LTBP1: variants seen among roughly 807,000 people sequenced by gnomAD.
LTBP1 encodes latent transforming growth factor beta binding protein 1.
In LTBP1, 129 loss-of-function variants were observed where a neutral mutation model predicts 207.6. That is an observed-to-expected ratio of 0.62 (90% CI 0.54 to 0.72). The LOEUF (loss-of-function observed/expected upper bound fraction) is 0.72. LTBP1 is among the 30% of genes least tolerant of loss of function. The pLI, the probability that LTBP1 is intolerant of heterozygous loss-of-function variation, is 0.00. For missense variants in LTBP1, 2,281 were observed against 2,217.2 expected (o/e 1.03, Z -0.58); for synonymous variants, 963 against 833.7 (o/e 1.16, Z -2.67).
chr2:33,247,827 G>A (rs778165682), intron 10 of LTBP1, among the ~76,000 whole-genome samples: 3 of 152,340 alleles, frequency 2.0e-5, no homozygotes, highest in Middle Eastern at 3.4e-3. Flanking sequence ...ATTGAGTGGC[G>A]TAGTTTTGTA....
chr2:33,022,271 T>TTTC, intron 3 of LTBP1, among the ~76,000 whole-genome samples: 1 of 150,550 alleles, frequency 6.6e-6, no homozygotes, highest in East Asian at 1.9e-4. Context: ...TCCTCTTTTT[T>TTTC]TTTTTTTTTT....
intron 14 of LTBP1, 29 bp downstream of exon 14, chr2:33,262,850 C>T (rs756263973): frequency 1.3e-6 from 2 of 1,487,686 alleles, no homozygotes; most frequent in South Asian, 2.5e-5. Context: ...TGCTGTTTGT[C>T]AGAGTATTCT....
intron 10 of LTBP1, among the ~76,000 whole-genome samples, chr2:33,244,889 TA>T (rs2092457886): frequency 6.6e-6 from 1 of 152,164 alleles, no homozygotes; most frequent in African/African-American, 2.4e-5. Flanking sequence ...TCTATCTATT[TA>T]TTTTTGAGAC....
chr2:33,231,384 A>G (rs1183410570), intron 9 of LTBP1, among the ~76,000 whole-genome samples: 2 of 152,230 alleles, frequency 1.3e-5, no homozygotes, highest in Non-Finnish European at 2.9e-5. Context: ...CTCGGAGTGC[A>G]TCTGAAATCA....
intron 24 of LTBP1, among the ~76,000 whole-genome samples, chr2:33,341,306 G>C (rs1452142782): frequency 1.3e-5 from 2 of 152,174 alleles, no homozygotes; most frequent in Non-Finnish European, 2.9e-5. Context: ...AGGATGAGCA[G>C]GTGGGACCTT....
chr2:33,098,885 C>T (rs1271242496), intron 3 of LTBP1, among the ~76,000 whole-genome samples: 1 of 152,194 alleles, frequency 6.6e-6, no homozygotes, highest in Non-Finnish European at 1.5e-5. Context: ...GAGGCACTAC[C>T]TTCACCATGT....
intron 15 of LTBP1, among the ~76,000 whole-genome samples, chr2:33,267,911 T>C (rs1310105781): frequency 6.6e-6 from 1 of 152,202 alleles, no homozygotes; most frequent in Non-Finnish European, 1.5e-5. Flanking sequence ...AAACACAACT[T>C]GTTAGAGGCT....
intron 9 of LTBP1, among the ~76,000 whole-genome samples, chr2:33,236,045 A>G (rs965501836): frequency 1.3e-5 from 2 of 152,184 alleles, no homozygotes; most frequent in African/African-American, 4.8e-5. Context: ...AAGAACTTAA[A>G]TATAATTTTT....
At position 33,365,494 on chromosome 2, in the gene LTBP1, A is replaced by G; in HGVS notation, c.4702A>G (p.Lys1568Glu). ...WGMQCALCPL[K>E]DSDDYAQLCN... Reference sequence around the variant, plus strand: ...CATGCAGTGTGCCCTCTGCCCCCTGAAGGATTCAGGTGAGCCCATATCCAA... The same window carrying G: ...CATGCAGTGTGCCCTCTGCCCCCTGGAGGATTCAGGTGAGCCCATATCCAA... The change falls in exon 31 of 34, where the codon AAG (lysine) becomes GAG (glutamate). Residue 1568 changes from lysine (K) to glutamate (E), a missense_variant. Physicochemically the swap from Lys to Glu is moderately conservative, Grantham distance 56 (BLOSUM62 1). Around this residue, in one of 3 missense-constraint regions of LTBP1, gnomAD observed 1,671 missense variants for 1,634.8 expected, o/e 1.02. Coordinates refer to ENST00000404816, the MANE Select transcript of LTBP1 (RefSeq NM_206943.4). 1 of 1,613,796 alleles carries G rather than the reference A, an allele frequency of 6.2e-7. No homozygotes were observed. The highest frequency in any genetic ancestry group is 1.3e-5 in the African/African-American group (1 of 74,988).
At chr2:33,330,638 A>G (rs895308320) in intron 24 of LTBP1, among the ~76,000 whole-genome samples, 1 of 151,546 alleles carries the variant, frequency 6.6e-6, no homozygotes, top group African/African-American at 2.4e-5. Flanking sequence ...TATTCTGTTA[A>G]TGTGGTGAAT....
At chr2:33,295,482 G>A (rs950270786) in intron 20 of LTBP1, among the ~76,000 whole-genome samples, 4 of 151,962 alleles carry the variant, frequency 2.6e-5, no homozygotes, top group African/African-American at 4.8e-5. Flanking sequence ...AACTGAGATC[G>A]TGCCACTGCA....
rs999898146 is a variant in LTBP1, at chr2:32,947,425, C to A, written c.101C>A (p.Pro34Gln). The A allele has an allele frequency of 3.5e-5, 50 of 1,439,248 alleles. No homozygotes were observed. Among genetic ancestry groups the A allele is most frequent in the Non-Finnish European group, 4.6e-5 (50 of 1,098,498 alleles). The allele number at this position is 1,439,248 out of a possible 1,614,324, so 89.2% of individuals were successfully genotyped here. A position where few individuals can be genotyped will look rare whatever the true frequency, so the allele number is the denominator to read the frequency against. ...CGGAGGATCACCTACGTGGTGCACC[C>A]GGGCCCCGGCCTGGCAGCCGGCGCC... is the stretch of plus-strand genomic sequence containing the variant. Reference protein sequence around the residue: ...RLRRITYVVHPGPGLAAGALP... With the variant: ...RLRRITYVVHQGPGLAAGALP... Residue 34 changes from proline (P) to glutamine (Q), a missense_variant, in exon 1 of 34, where the codon CCG becomes CAG. By Grantham distance (76) the Pro-to-Gln change is moderately conservative. Transcript: ENST00000404816.
chr2:33,145,646 C>G (rs1356617073), intron 5 of LTBP1, among the ~76,000 whole-genome samples: 1 of 152,062 alleles, frequency 6.6e-6, no homozygotes, highest in Non-Finnish European at 1.5e-5. Context: ...ACATCTTGAG[C>G]CAGCTGTTTT....
At chr2:33,333,310 C>T (rs1410176591) in intron 24 of LTBP1, among the ~76,000 whole-genome samples, 1 of 150,974 alleles carries the variant, frequency 6.6e-6, no homozygotes, top group East Asian at 2.0e-4. Flanking sequence ...TGATTTAATT[C>T]AGTAATTTAT....
intron 4 of LTBP1, among the ~76,000 whole-genome samples, chr2:33,121,432 T>G (rs6719374): frequency 0.38 from 58,101 of 151,776 alleles, 11,264 homozygotes; most frequent in South Asian, 0.47. Flanking sequence ...CGGTGGTCGT[T>G]CCTGTGTTGA....
chr2:33,245,154 A>G (rs2092468285), intron 10 of LTBP1, among the ~76,000 whole-genome samples: 1 of 152,180 alleles, frequency 6.6e-6, no homozygotes, highest in African/African-American at 2.4e-5. Flanking sequence ...TGCTGGGATT[A>G]TAGGTGTGAG....
At position 33,048,155 on chromosome 2, in the gene LTBP1, A is replaced by G. The variant is rs571185228; in HGVS notation, c.863+26949A>G. On this transcript the variant is annotated intron_variant, in intron 3 of 33. Coordinates refer to ENST00000404816, the MANE Select transcript of LTBP1 (RefSeq NM_206943.4). Reference sequence around the variant, plus strand: ...TGATTCAGAGATCTGTTGTAAGGATAAGAATAAAACAGACATTCAGAAGCA... The same window carrying G: ...TGATTCAGAGATCTGTTGTAAGGATGAGAATAAAACAGACATTCAGAAGCA... Among the ~76,000 whole-genome samples, 4 of 152,348 alleles carry G rather than the reference A, an allele frequency of 2.6e-5. No homozygotes were observed. The South Asian group carries it at 8.3e-4, about 32-fold the overall frequency.
At chr2:33,301,764 C>A in intron 22 of LTBP1, 120 bp downstream of exon 22, 2 of 863,884 alleles carry the variant, frequency 2.3e-6, no homozygotes, top group South Asian at 2.8e-5. Flanking sequence ...ACATTAGGTC[C>A]CTGCAAAGTG....
chr2:33,046,754 G>T (rs1206808124), intron 3 of LTBP1, among the ~76,000 whole-genome samples: 1 of 151,964 alleles, frequency 6.6e-6, no homozygotes, highest in Non-Finnish European at 1.5e-5. Flanking sequence ...GACGTTTTTT[G>T]GTTGGTAGGC....
Sources: gnomAD v4.1 joint callset for allele counts (sites outside exome capture counted in the v4.1 genomes callset) on GRCh38, gnomAD v4.1.1 for gene constraint, gnomAD v4.1.1 regional missense constraint, MANE v1.5 for transcripts, NCBI Gene and HGNC (gene_info 2026-07-23, HGNC 2026-07-21) for gene names.